ADAMTSL1: variants seen among roughly 807,000 people sequenced by gnomAD.
ADAMTSL1 encodes the protein ADAMTS like 1.
A neutral mutation model predicts 201.8 loss-of-function variants in ADAMTSL1; 126 were observed. The ratio of observed to expected loss-of-function variants is 0.62; its 90% CI spans 0.54 to 0.72. ADAMTSL1 has a LOEUF of 0.72. Among genes scored for constraint, ADAMTSL1 ranks in the 30% least tolerant of loss-of-function variants. ADAMTSL1 has a pLI of 0.00. For missense variants in ADAMTSL1, 2,679 were observed against 2,277.8 expected, an observed-to-expected ratio of 1.18 and a Z score of -3.59; for synonymous variants, 1,121 against 903.4, an observed-to-expected ratio of 1.24 and a Z score of -4.32.
At chr9:18,333,791 AT>A (rs1835125240) in intron 2 of ADAMTSL1, among the ~76,000 whole-genome samples, 3 of 152,176 alleles carry the variant, frequency 2.0e-5, no homozygotes, top group Admixed American at 2.0e-4. Context: ...GAAAGTTCTT[AT>A]TTGAGTAATT....
chr9:18,127,887 T>G (rs193252958), intron 1 of ADAMTSL1, among the ~76,000 whole-genome samples: 1 of 152,328 alleles, frequency 6.6e-6, no homozygotes, highest in East Asian at 1.9e-4. Context: ...CATATGTTTG[T>G]CTCATGTTTC....
intron 1 of ADAMTSL1, among the ~76,000 whole-genome samples, chr9:18,484,187 A>G (rs952673657): frequency 1.3e-5 from 2 of 152,228 alleles, no homozygotes; most frequent in African/African-American, 4.8e-5. Flanking sequence ...ACATGGTCCT[A>G]AAGATGAGTC....
At chr9:18,898,945 C>A (rs928167921) in intron 26 of ADAMTSL1, among the ~76,000 whole-genome samples, 33 of 152,126 alleles carry the variant, frequency 2.2e-4, no homozygotes, top group Non-Finnish European at 1.0e-4. Context: ...TGGAAGTTCT[C>A]GCCAGGGCAA....
chr9:18,772,995 C>A (rs936919072), intron 17 of ADAMTSL1, among the ~76,000 whole-genome samples: 1 of 152,210 alleles, frequency 6.6e-6, no homozygotes, highest in African/African-American at 2.4e-5. Context: ...TAAACTCAAA[C>A]TGGTGCCATA....
chr9:18,515,595 A>G (rs1291727004), intron 2 of ADAMTSL1, among the ~76,000 whole-genome samples: 1 of 152,178 alleles, frequency 6.6e-6, no homozygotes, highest in African/African-American at 2.4e-5. Context: ...TTGGCCTCCC[A>G]AAGTGCTGGG....
chr9:17,916,772 T>C (rs1468249887), intron 1 of ADAMTSL1, among the ~76,000 whole-genome samples: 1 of 152,202 alleles, frequency 6.6e-6, no homozygotes, highest in Non-Finnish European at 1.5e-5. Flanking sequence ...GACATTGACT[T>C]GTCTATCCTG....
intron 2 of ADAMTSL1, among the ~76,000 whole-genome samples, chr9:18,272,964 A>T (rs1426756693): frequency 6.6e-6 from 1 of 152,226 alleles, no homozygotes; most frequent in Non-Finnish European, 1.5e-5. Context: ...TATTTCTTTG[A>T]ATTATAAAGT....
intron 1 of ADAMTSL1, among the ~76,000 whole-genome samples, chr9:18,139,243 G>T (rs1248137115): frequency 2.0e-5 from 3 of 152,146 alleles, no homozygotes; most frequent in South Asian, 2.1e-4. Context: ...GGCATATGTT[G>T]TTCCCTAAGT....
chr9:18,452,371 A>T (rs1480782092), intron 2 of ADAMTSL1, among the ~76,000 whole-genome samples: 1 of 152,174 alleles, frequency 6.6e-6, no homozygotes, highest in Non-Finnish European at 1.5e-5. Flanking sequence ...CCAAAACATG[A>T]ACTTGGAGAA....
At chr9:18,165,042 T>A (rs1827572824) in intron 2 of ADAMTSL1, among the ~76,000 whole-genome samples, 1 of 151,922 alleles carries the variant, frequency 6.6e-6, no homozygotes, top group East Asian at 1.9e-4. Context: ...GTTCATATAT[T>A]GGTTTTTTTT....
At chr9:18,177,223 T>C (rs759715588) in intron 2 of ADAMTSL1, among the ~76,000 whole-genome samples, 6 of 152,308 alleles carry the variant, frequency 3.9e-5, no homozygotes, top group East Asian at 1.9e-4. Context: ...AAAGAATGAA[T>C]GAATGCATGT....
intron 9 of ADAMTSL1, among the ~76,000 whole-genome samples, chr9:18,669,457 C>T (rs1442572558): frequency 6.6e-6 from 1 of 152,040 alleles, no homozygotes. Context: ...GTCCAAAAAA[C>T]TGTTTTCAGA....
At chr9:17,921,930 A>C (rs1177205210) in intron 1 of ADAMTSL1, among the ~76,000 whole-genome samples, 1 of 152,134 alleles carries the variant, frequency 6.6e-6, no homozygotes, top group Admixed American at 6.6e-5. Context: ...TTGCTTAGAG[A>C]TACAGCACAG....
chr9:18,908,332 G>A (rs1010625918), intron 28 of ADAMTSL1, 110 bp from the exon 29 acceptor site: 9 of 883,980 alleles, frequency 1.0e-5, no homozygotes, highest in African/African-American at 1.7e-5. Flanking sequence ...ACCCCAGGAT[G>A]TACCCCAGTG....
At position 18,816,720 on chromosome 9, in the gene ADAMTSL1, C is replaced by CTTT. The variant is rs751791974; in HGVS notation, c.3806-363_3806-361dup. On this transcript the variant is annotated intron_variant, in intron 20 of 28. Transcript: ENST00000380548. ...GTCTTCAAACTCTTCAACCCTTGGT[C>CTTT]TTTTTTTTTTTTTTTTTTTTTTTTT... Among the ~76,000 whole-genome samples, 73 of 39,762 alleles carry CTTT rather than the reference C, an allele frequency of 1.8e-3. 6 individuals carry two copies. The highest frequency in any genetic ancestry group is 2.2e-3 in the African/African-American group (21 of 9,630). The allele number at this position is 39,762 out of a possible 152,430, so 26.1% of individuals were successfully genotyped here. A position where few individuals can be genotyped will look rare whatever the true frequency, so the allele number is the denominator to read the frequency against.
At chr9:18,281,718 C>G (rs187747108) in intron 2 of ADAMTSL1, among the ~76,000 whole-genome samples, 1 of 152,234 alleles carries the variant, frequency 6.6e-6, no homozygotes, top group Non-Finnish European at 1.5e-5. Flanking sequence ...TGTCCATGTT[C>G]AATTGAGTTC....
intron 2 of ADAMTSL1, among the ~76,000 whole-genome samples, chr9:18,233,642 A>G (rs1212967780): frequency 6.6e-6 from 1 of 152,220 alleles, no homozygotes; most frequent in Non-Finnish European, 1.5e-5. Flanking sequence ...GAAATTGTGA[A>G]ATAAGAGAGA....
chr9:18,211,214 G>T (rs10810926), intron 2 of ADAMTSL1, among the ~76,000 whole-genome samples: 123,240 of 152,098 alleles, frequency 0.81, 50,067 homozygotes, highest in Admixed American at 0.85. Context: ...TTTAAGAATG[G>T]TTTTAACTTT....
intron 1 of ADAMTSL1, among the ~76,000 whole-genome samples, chr9:18,482,112 A>C (rs1424872096): frequency 6.6e-6 from 1 of 152,260 alleles, no homozygotes; most frequent in Non-Finnish European, 1.5e-5. Context: ...AAAATAAATT[A>C]ATTACAATAA....
Sources: allele counts gnomAD v4.1 joint callset (sites outside exome capture counted in the v4.1 genomes callset), GRCh38; gene constraint gnomAD v4.1.1; transcripts MANE v1.5; gene names NCBI Gene and HGNC (gene_info 2026-07-23, HGNC 2026-07-21).